Variants in PRRC1 observed in about 807,000 individuals in gnomAD.
PRRC1 encodes proline rich coiled-coil 1.
PRRC1 carries 39 observed loss-of-function variants against 40.7 expected under a neutral mutation model. The ratio of observed to expected loss-of-function variants is 0.96; its 90% CI spans 0.74 to 1.25. The LOEUF (loss-of-function observed/expected upper bound fraction) is 1.25. PRRC1 is among the 50% of genes most tolerant of loss of function. The probability of loss-of-function intolerance (pLI) is 0.00; values close to 1 mark genes in which losing one functional copy is unlikely to be tolerated. For synonymous variants in PRRC1, 175 were observed against 193.3 expected, an observed-to-expected ratio of 0.91 and a Z score of 0.79; for missense variants, 573 against 548.3, an observed-to-expected ratio of 1.05 and a Z score of -0.45.
Position 127,533,739 on chromosome 5 carries a change from C to T in PRRC1, c.874C>T (p.Gln292Ter). ...AGCTGTGGTTGTAGGGGAAGCTGGA[C>T]AGTCCAATATTGCCCCACAACCAGT... Reference protein sequence around the residue: ...GLAVVVGEAGQSNIAPQPVGY... With the variant: ...GLAVVVGEAG The change falls in exon 6 of 9, where the codon CAG (glutamine) becomes TAG (stop). Residue 292 changes from glutamine (Q) to a stop codon, truncating the protein, a stop_gained. Transcript: ENST00000296666. LOFTEE classifies it high-confidence loss of function. 6.2e-7 allele frequency: 1 copy of T among 1,614,090 alleles called. No homozygotes were observed. The highest frequency in any genetic ancestry group is 1.1e-5 in the South Asian group (1 of 91,084).
At chr5:127,522,154 A>G (rs1239676948) in intron 1 of PRRC1, among the ~76,000 whole-genome samples, 1 of 152,282 alleles carries the variant, frequency 6.6e-6, no homozygotes, top group East Asian at 1.9e-4. Context: ...AAAAACAAAT[A>G]TAGCATATTT....
chr5:127,524,748 A>C lies in PRRC1; in HGVS notation c.321A>C (p.Val107=), dbSNP rs756009873. The C allele has an allele frequency of 6.8e-6, 11 of 1,614,006 alleles. No individual in the cohort carries two copies. Among genetic ancestry groups the C allele is most frequent in the Non-Finnish European group, 5.9e-6 (7 of 1,180,002 alleles). Residue 107 remains valine (V), a synonymous_variant, in exon 3 of 9, where the codon GTA becomes GTC. Transcript: ENST00000296666. ...CTGCTGCCTTCGGTAATCCTCCTGT[A>C]TCTCACTTCCCACCTTCAACTTCTG... The part of the protein sequence containing the change: ...STAAAFGNPP[V]SHFPPSTSAP...
chr5:127,554,078 C>A lies in PRRC1; in HGVS notation c.*2162C>A. The A allele has an allele frequency of 1.6e-6, 1 of 611,856 alleles. No homozygotes were observed. The highest frequency in any genetic ancestry group is 2.6e-6 in the Non-Finnish European group (1 of 378,132). The allele number at this position is 611,856 out of a possible 1,614,324, so 37.9% of individuals were successfully genotyped here. A position where few individuals can be genotyped will look rare whatever the true frequency, so the allele number is the denominator to read the frequency against. On this transcript the variant is annotated 3_prime_UTR_variant, in exon 9 of 9. Transcript: ENST00000296666. Reference sequence around the variant, plus strand: ...GTTTATTTTGTTGTCCTTAGATTTCCCTGTTGTAAAAGGGGCAAGAAAAGT... The same window carrying A: ...GTTTATTTTGTTGTCCTTAGATTTCACTGTTGTAAAAGGGGCAAGAAAAGT...
chr5:127,531,914 C>G (rs1195143141), intron 5 of PRRC1, among the ~76,000 whole-genome samples: 1 of 151,420 alleles, frequency 6.6e-6, no homozygotes, highest in Non-Finnish European at 1.5e-5. Flanking sequence ...GTAGAGCCAT[C>G]AAGAAAAATG....
chr5:127,543,128 A>C (rs1052009161), intron 7 of PRRC1, among the ~76,000 whole-genome samples: 11 of 152,080 alleles, frequency 7.2e-5, no homozygotes, highest in Admixed American at 5.2e-4. Context: ...TCCTTCACTT[A>C]CAAAACTTAG....
At chr5:127,529,468 A>G (rs971336192) in intron 4 of PRRC1, among the ~76,000 whole-genome samples, 5 of 152,128 alleles carry the variant, frequency 3.3e-5, no homozygotes, top group Non-Finnish European at 5.9e-5. Flanking sequence ...TCTTGTAAAT[A>G]GTAAGTCATG....
chr5:127,530,065 G>A (rs958915925), intron 4 of PRRC1, among the ~76,000 whole-genome samples: 4 of 152,138 alleles, frequency 2.6e-5, no homozygotes, highest in East Asian at 1.9e-4. Flanking sequence ...TACTCAAAGC[G>A]TGATCTGTAG....
rs1767755032 is a variant in PRRC1 at position 127,531,046 on chromosome 5, A to G, written c.757+650A>G. Among the ~76,000 whole-genome samples the G allele has an allele frequency of 2.6e-5, 4 of 152,240 alleles. No homozygotes were observed. In the South Asian group the frequency reaches 8.3e-4, roughly 31 times the overall value. ...GATAACTTTTAAGTCAAAATTGTGC[A>G]GCAGGTACCTGAACAGCGATTTCAG... On this transcript the variant is annotated intron_variant, in intron 5 of 8. Coordinates refer to ENST00000296666, the MANE Select transcript of PRRC1 (RefSeq NM_130809.5).
chr5:127,524,284 A>C (rs1767541311), intron 2 of PRRC1, among the ~76,000 whole-genome samples: 1 of 147,960 alleles, frequency 6.8e-6, no homozygotes, highest in South Asian at 2.1e-4. Flanking sequence ...ATACACCAAA[A>C]CAAACCAAAA....
intron 5 of PRRC1, among the ~76,000 whole-genome samples, chr5:127,531,933 C>T (rs149623785): frequency 4.0e-5 from 6 of 151,362 alleles, no homozygotes; most frequent in East Asian, 1.9e-4. Flanking sequence ...TGTGTAACAC[C>T]GAAGGGGAAA....
chr5:127,526,904 C>T (rs1186097349), intron 4 of PRRC1, 126 bp downstream of exon 4: 41 of 760,596 alleles, frequency 5.4e-5, no homozygotes, highest in Non-Finnish European at 8.2e-5. Flanking sequence ...TAGCAGTTTT[C>T]TGTAGCTGCT....
chr5:127,544,612 C>T (rs932027706), intron 7 of PRRC1, among the ~76,000 whole-genome samples: 4 of 152,226 alleles, frequency 2.6e-5, no homozygotes, highest in African/African-American at 4.8e-5. Context: ...GCCTCGCTGC[C>T]GCCTTGCAGT....
Position 127,541,197 on chromosome 5 carries a change from A to G in PRRC1, c.1025+2054A>G, listed in dbSNP as rs1357405250. ...CATTTATTGATTTTGTGTATATTGAACCAGCCTTTCTTCCCAGGGATGAAG... is the reference window on the plus strand; with the variant it reads ...CATTTATTGATTTTGTGTATATTGAGCCAGCCTTTCTTCCCAGGGATGAAG... On this transcript the variant is annotated intron_variant, in intron 7 of 8. Coordinates refer to ENST00000296666, the MANE Select transcript of PRRC1 (RefSeq NM_130809.5). Among the ~76,000 whole-genome samples the G allele has an allele frequency of 2.6e-5, 4 of 152,302 alleles. No homozygotes were observed. In the East Asian group the frequency reaches 7.7e-4, roughly 29 times the overall value.
Position 127,551,951 on chromosome 5 carries a change from C to G in PRRC1, c.*35C>G, listed in dbSNP as rs771843032. 8 of 1,612,156 alleles carry G rather than the reference C, an allele frequency of 5.0e-6. No homozygotes were observed. The highest frequency in any genetic ancestry group is 6.8e-6 in the Non-Finnish European group (8 of 1,178,986). ...TACCTGGGAGACTGAGACTTTCCCCCACTTTTAGCTTGATGTTAAAGAAGT... is the reference window on the plus strand; with the variant it reads ...TACCTGGGAGACTGAGACTTTCCCCGACTTTTAGCTTGATGTTAAAGAAGT... On this transcript the variant is annotated 3_prime_UTR_variant, in exon 9 of 9. Transcript: ENST00000296666.
chr5:127,542,082 C>G (rs183804417), intron 7 of PRRC1, among the ~76,000 whole-genome samples: 12 of 152,134 alleles, frequency 7.9e-5, no homozygotes, highest in East Asian at 1.9e-4. Flanking sequence ...TGTCTTTGTT[C>G]TCGTTGGTTT....
At position 127,552,891 on chromosome 5, in the gene PRRC1, TCTTTA is replaced by T. The variant is rs1255960695; in HGVS notation, c.*980_*984del. On this transcript the variant is annotated 3_prime_UTR_variant, in exon 9 of 9. Coordinates refer to ENST00000296666, the MANE Select transcript of PRRC1 (RefSeq NM_130809.5). ...ACTTTTTTAACTTTGTGCCATTTGG[TCTTTA>T]CTTTTTATGGATGTTTTCAAAGAAA... The T allele has an allele frequency of 4.2e-6, 4 of 960,038 alleles. No individual in the cohort carries two copies. The highest frequency in any genetic ancestry group is 5.0e-6 in the Non-Finnish European group (4 of 806,886). 59.5% of individuals were successfully genotyped at this position (960,038 alleles called of 1,614,324 possible). A position where few individuals can be genotyped will look rare whatever the true frequency, so the allele number is the denominator to read the frequency against.
chr5:127,549,298 T>C (rs1768308974), intron 8 of PRRC1: 1 of 152,162 alleles, frequency 6.6e-6, no homozygotes, highest in Non-Finnish European at 1.5e-5. Flanking sequence ...CTTTTAACTT[T>C]AAATGAAATT....
intron 7 of PRRC1, among the ~76,000 whole-genome samples, chr5:127,547,142 G>C (rs1468086886): frequency 6.6e-6 from 1 of 151,830 alleles, no homozygotes; most frequent in African/African-American, 2.4e-5. Flanking sequence ...AGGGTATCTG[G>C]CTGTTTCATG....
intron 6 of PRRC1, among the ~76,000 whole-genome samples, chr5:127,537,296 ACTAC>A (rs1463797482): frequency 6.6e-6 from 1 of 151,856 alleles, no homozygotes; most frequent in Non-Finnish European, 1.5e-5. Context: ...TGGTCTCTAA[ACTAC>A]CTAATTCTTG....
Sources: allele counts gnomAD v4.1 joint callset (sites outside exome capture counted in the v4.1 genomes callset), GRCh38; gene constraint gnomAD v4.1.1; transcripts MANE v1.5; gene names NCBI Gene and HGNC (gene_info 2026-07-23, HGNC 2026-07-21).